HIPK1: variants seen among roughly 807,000 people sequenced by gnomAD.
The protein encoded by HIPK1 is homeodomain-interacting protein kinase 1.
A neutral mutation model predicts 117.1 loss-of-function variants in HIPK1; 28 were observed. The ratio of observed to expected loss-of-function variants is 0.24; its 90% CI spans 0.18 to 0.33. The LOEUF is 0.33. HIPK1 is among the 10% of genes least tolerant of loss of function. The probability of loss-of-function intolerance (pLI) is 1.00; values close to 1 mark genes in which losing one functional copy is unlikely to be tolerated. For synonymous variants in HIPK1, 605 were observed against 562.5 expected, an observed-to-expected ratio of 1.08 and a Z score of -1.07; for missense variants, 1,122 against 1,475.1, an observed-to-expected ratio of 0.76 and a Z score of 3.92.
intron 2 of HIPK1, among the ~76,000 whole-genome samples, chr1:113,952,453 G>A (rs1191276189): frequency 1.3e-5 from 2 of 152,132 alleles, no homozygotes; most frequent in East Asian, 3.8e-4. Flanking sequence ...AGCCAACTTA[G>A]TATGACTGTT....
chr1:113,940,287 A>G (rs2101165155), intron 1 of HIPK1, 95 bp from the exon 2 acceptor site: 1 of 1,135,708 alleles, frequency 8.8e-7, no homozygotes, highest in Non-Finnish European at 1.3e-6. Context: ...TGTTTCTTTT[A>G]TCAAGTAAAA....
chr1:113,946,839 G>A (rs1161381335), intron 2 of HIPK1, among the ~76,000 whole-genome samples: 5 of 152,186 alleles, frequency 3.3e-5, no homozygotes, highest in Non-Finnish European at 5.9e-5. Context: ...TAACATGAGT[G>A]TTCTGTTGTG....
chr1:113,931,358 T>C (rs189716606), intron 1 of HIPK1, among the ~76,000 whole-genome samples: 1 of 152,226 alleles, frequency 6.6e-6, no homozygotes, highest in African/African-American at 2.4e-5. Flanking sequence ...AATACTGTTA[T>C]GATGAAGGGT....
chr1:113,964,250 A>C (rs1484666175), intron 10 of HIPK1, among the ~76,000 whole-genome samples: 4 of 152,250 alleles, frequency 2.6e-5, no homozygotes, highest in African/African-American at 9.6e-5. Flanking sequence ...TTTTACAAAT[A>C]GGTCTTTATA....
intron 8 of HIPK1, among the ~76,000 whole-genome samples, chr1:113,960,407 G>A (rs913084794): frequency 1.3e-5 from 2 of 152,088 alleles, no homozygotes; most frequent in African/African-American, 4.8e-5. Context: ...ACATTTGTAG[G>A]TCAGTACTAT....
In HIPK1 at chr1:113,976,342, G is replaced by A. The variant is rs1258725310; in HGVS notation, c.*2830G>A. ...GTCTCCTTTTTGCCAAGCACATTCT[G>A]ATTTTCTTGTTGGAACACAGGTCTA... is the stretch of plus-strand genomic sequence containing the variant. On this transcript the variant is annotated 3_prime_UTR_variant, in exon 16 of 16. Transcript: ENST00000426820. The A allele has an allele frequency of 6.6e-6, 1 of 152,300 alleles. No homozygotes were observed. The highest frequency in any genetic ancestry group is 2.4e-5 in the African/African-American group (1 of 41,418). The allele number at this position is 152,300 out of a possible 1,614,324, so 9.4% of individuals were successfully genotyped here. A position where few individuals can be genotyped will look rare whatever the true frequency, so the allele number is the denominator to read the frequency against.
intron 2 of HIPK1, among the ~76,000 whole-genome samples, chr1:113,950,045 C>T (rs74807420): frequency 0.01 from 1,592 of 152,230 alleles, 34 homozygotes; most frequent in African/African-American, 0.036. Context: ...ATCAGAAAAG[C>T]TTTCAGGCCC....
chr1:113,953,079 G>T (rs1480763254), intron 3 of HIPK1, among the ~76,000 whole-genome samples, 190 bp downstream of exon 3: 2 of 151,974 alleles, frequency 1.3e-5, no homozygotes, highest in African/African-American at 4.8e-5. Context: ...AAGTATGTTT[G>T]CAATTCTATA....
intron 1 of HIPK1, among the ~76,000 whole-genome samples, chr1:113,930,090 G>A (rs1196017336): frequency 6.6e-6 from 1 of 152,208 alleles, no homozygotes; most frequent in Non-Finnish European, 1.5e-5. Context: ...ACCGGGCGCC[G>A]CGTCTTGCGG....
intron 1 of HIPK1, among the ~76,000 whole-genome samples, chr1:113,932,788 A>C (rs1669983371): frequency 6.6e-6 from 1 of 152,014 alleles, no homozygotes; most frequent in Non-Finnish European, 1.5e-5. Context: ...CTCCAGTTAA[A>C]TATATCTCCT....
intron 1 of HIPK1, 83 bp from the exon 2 acceptor site, chr1:113,940,299 T>C: frequency 9.5e-7 from 1 of 1,051,780 alleles, no homozygotes; most frequent in Non-Finnish European, 1.4e-6. Context: ...CAAGTAAAAG[T>C]GTGTGTGTGT....
intron 2 of HIPK1, among the ~76,000 whole-genome samples, chr1:113,949,738 A>C (rs1462777335): frequency 6.6e-6 from 1 of 151,606 alleles, no homozygotes; most frequent in Non-Finnish European, 1.5e-5. Flanking sequence ...AGCTGGGATT[A>C]CAGGTGCCCG....
Position 113,967,805 on chromosome 1 carries a change from G to A in HIPK1, c.2421G>A (p.Met807Ile). The change falls in exon 12 of 16, where the codon ATG becomes ATA. Residue 807 changes from methionine (M) to isoleucine (I), a missense_variant. Transcript: ENST00000426820. ...HSHGNQYSTI[M>I]QQPSLLTNHV... is the part of the protein sequence containing the mutation. Reference sequence around the variant, plus strand: ...ATGGCAACCAGTACAGCACTATCATGCAGCAGCCATCCTTGCTGACTAACC... The same window carrying A: ...ATGGCAACCAGTACAGCACTATCATACAGCAGCCATCCTTGCTGACTAACC... The A allele has an allele frequency of 6.2e-7, 1 of 1,606,936 alleles. No individual in the cohort carries two copies. The highest frequency in any genetic ancestry group is 8.5e-7 in the Non-Finnish European group (1 of 1,177,772).
rs1670623887 is a variant in HIPK1, at chr1:113,941,315, T to C, written c.932T>C (p.Leu311Pro). ...TALMKLKSLGLIHADLKPENI... is the reference protein window; with the variant it reads ...TALMKLKSLGPIHADLKPENI... ...TTGATGAAGCTCAAGAGTCTTGGTC[T>C]GATCCACGCTGACCTTAAGCCTGAA... The change falls in exon 2 of 16, where the codon CTG becomes CCG. Residue 311 changes from leucine to proline, a missense_variant. This residue lies in a region of HIPK1 where 62 missense variants were observed against 121.5 expected (regional missense o/e 0.51). Coordinates refer to ENST00000426820, the MANE Select transcript of HIPK1 (RefSeq NM_198268.3). This position sits in a 1 kb window ranked among gnomAD's most constrained non-coding sequence, Gnocchi z 4.9. 1 of 1,614,138 alleles carries C rather than the reference T, an allele frequency of 6.2e-7. No homozygotes were observed. The highest frequency in any genetic ancestry group is 8.5e-7 in the Non-Finnish European group (1 of 1,180,046).
At position 113,970,212 on chromosome 1, in the gene HIPK1, C is replaced by T. The variant is rs765503639; in HGVS notation, c.3013+15C>T. ...CCAGGCCTCAGGTCAGTGTTATCTT[C>T]ACAGCTTGAGTTGAATTCTCCTTTG... On this transcript the variant is annotated intron_variant, in intron 14 of 15. Coordinates refer to ENST00000426820, the MANE Select transcript of HIPK1 (RefSeq NM_198268.3). 1.2e-6 allele frequency: 2 copies of T among 1,612,960 alleles called. No individual in the cohort carries two copies. The highest frequency in any genetic ancestry group is 1.7e-6 in the Non-Finnish European group (2 of 1,178,988).
At chr1:113,969,413 A>G (rs1224403956) in intron 13 of HIPK1, among the ~76,000 whole-genome samples, 6 of 152,132 alleles carry the variant, frequency 3.9e-5, no homozygotes, top group Non-Finnish European at 8.8e-5. Flanking sequence ...TAGTTTCCTC[A>G]TCTGCAAAAT....
intron 1 of HIPK1, chr1:113,929,826 G>C: frequency 6.1e-6 from 6 of 987,016 alleles, no homozygotes; most frequent in Non-Finnish European, 7.2e-6. Flanking sequence ...GCCGGGGCCC[G>C]GGCCGGCTCG....
At chr1:113,954,915 G>C (rs1242186974) in intron 4 of HIPK1, 145 bp downstream of exon 4, 5 of 739,114 alleles carry the variant, frequency 6.8e-6, no homozygotes, top group Non-Finnish European at 1.1e-5. Flanking sequence ...CTTTGTACCT[G>C]TTTGGCCTTA....
chr1:113,958,610 T>C (rs1671888451), intron 8 of HIPK1, among the ~76,000 whole-genome samples: 1 of 152,218 alleles, frequency 6.6e-6, no homozygotes, highest in Admixed American at 6.5e-5. Flanking sequence ...ATATGCAAAA[T>C]CTATACAACT....
Sources: allele counts gnomAD v4.1 joint callset (sites outside exome capture counted in the v4.1 genomes callset), GRCh38; gene constraint gnomAD v4.1.1; regional missense constraint gnomAD v4.1.1; non-coding constraint Gnocchi (gnomAD v3.1); transcripts MANE v1.5; gene names NCBI Gene and HGNC (gene_info 2026-07-23, HGNC 2026-07-21).